Variants in KCNH8 observed in about 807,000 individuals in gnomAD.
KCNH8 encodes the protein voltage-gated delayed rectifier potassium channel KCNH8.
KCNH8 carries 70 observed loss-of-function variants against 103.6 expected under a neutral mutation model. The ratio of observed to expected loss-of-function variants is 0.68; its 90% CI spans 0.56 to 0.82. KCNH8 has a LOEUF of 0.82. Ranked by LOEUF, KCNH8 falls within the 40% of genes least tolerant of loss-of-function variation. The pLI is 0.00. For missense variants in KCNH8, 1,217 were observed against 1,329.9 expected (o/e 0.92, Z 1.32); for synonymous variants, 498 against 489.4 (o/e 1.02, Z -0.23).
intron 1 of KCNH8, among the ~76,000 whole-genome samples, chr3:19,150,219 C>T (rs2063115233): frequency 6.6e-6 from 1 of 152,008 alleles, no homozygotes; most frequent in African/African-American, 2.4e-5. Context: ...ACTTCAAGTC[C>T]CTGCCATTGC....
At chr3:19,475,026 T>C (rs1360907094) in intron 11 of KCNH8, among the ~76,000 whole-genome samples, 5 of 152,150 alleles carry the variant, frequency 3.3e-5, no homozygotes, top group Non-Finnish European at 7.4e-5. Flanking sequence ...GCCAGAATTG[T>C]TCCTCCAAAG....
In KCNH8 at chr3:19,176,812, C is replaced by T. The variant is rs115620931; in HGVS notation, c.76+28017C>T. ...TATGCTCTATAAAATTGTATAAACA[C>T]TGAATTAGCAAATACTTGACCATTT... On this transcript the variant is annotated intron_variant, in intron 1 of 15. Coordinates refer to ENST00000328405, the MANE Select transcript of KCNH8 (RefSeq NM_144633.3). 3.7e-3 allele frequency among the ~76,000 whole-genome samples: 557 copies of T among 152,134 alleles called. 5 individuals are homozygous for T. The highest frequency in any genetic ancestry group is 0.013 in the African/African-American group (520 of 41,528).
chr3:19,365,109 A>G (rs778339114), intron 5 of KCNH8, among the ~76,000 whole-genome samples: 4 of 152,136 alleles, frequency 2.6e-5, no homozygotes. Context: ...TAATTCCACC[A>G]TTCTTTACTG....
At chr3:19,531,073 A>C (rs1454483292) in intron 15 of KCNH8, among the ~76,000 whole-genome samples, 2 of 152,252 alleles carry the variant, frequency 1.3e-5, no homozygotes, top group Admixed American at 6.5e-5. Flanking sequence ...ATTCAAACTT[A>C]TTCTTCAGAG....
intron 2 of KCNH8, among the ~76,000 whole-genome samples, chr3:19,266,850 TTTTC>T (rs1157116265): frequency 3.4e-4 from 51 of 152,140 alleles, no homozygotes; most frequent in Admixed American, 3.3e-4. Flanking sequence ...CATCCTTCAC[TTTTC>T]TTTCTATTTC....
intron 10 of KCNH8, among the ~76,000 whole-genome samples, chr3:19,452,735 C>A (rs1369724426): frequency 6.6e-6 from 1 of 152,160 alleles, no homozygotes; most frequent in African/African-American, 2.4e-5. Flanking sequence ...TGTGCTCACA[C>A]ACAAGGTCTC....
At chr3:19,304,230 C>G (rs2065100370) in intron 3 of KCNH8, among the ~76,000 whole-genome samples, 1 of 152,100 alleles carries the variant, frequency 6.6e-6, no homozygotes, top group Non-Finnish European at 1.5e-5. Flanking sequence ...CTTGTCCATC[C>G]ACATCACTCT....
chr3:19,475,086 GCA>G (rs10576402), intron 11 of KCNH8, among the ~76,000 whole-genome samples: 1,838 of 152,154 alleles, frequency 0.012, 29 homozygotes, highest in African/African-American at 0.04. Context: ...AACTAAACAA[GCA>G]CAGTTTGATC....
rs113230423 is a variant in KCNH8 at position 19,201,471 on chromosome 3, C to T, written c.77-52183C>T. Among the ~76,000 whole-genome samples, 389 of 151,916 alleles carry T rather than the reference C, an allele frequency of 2.6e-3. 4 individuals carry two copies. The highest frequency in any genetic ancestry group is 8.5e-3 in the African/African-American group (352 of 41,428). On this transcript the variant is annotated intron_variant, in intron 1 of 15. Coordinates refer to ENST00000328405, the MANE Select transcript of KCNH8 (RefSeq NM_144633.3). ...CTCTCCTCCAAGGATGCTGTATGTCCGTTTTATACATAAGAAAACTGTGGT... is the reference window on the plus strand; with the variant it reads ...CTCTCCTCCAAGGATGCTGTATGTCTGTTTTATACATAAGAAAACTGTGGT...
chr3:19,183,597 G>A (rs1471235938), intron 1 of KCNH8, among the ~76,000 whole-genome samples: 1 of 152,068 alleles, frequency 6.6e-6, no homozygotes, highest in South Asian at 2.1e-4. Context: ...TAACTATAAA[G>A]AAAAGATTTA....
At chr3:19,167,340 T>A (rs77245563) in intron 1 of KCNH8, among the ~76,000 whole-genome samples, 6,201 of 152,314 alleles carry the variant, frequency 0.041, 428 homozygotes, top group African/African-American at 0.14. Flanking sequence ...CGTAGATGTG[T>A]CATAGTTTAT....
intron 3 of KCNH8, among the ~76,000 whole-genome samples, chr3:19,328,017 GTCTC>G (rs574438599): frequency 1.3e-4 from 20 of 152,082 alleles, no homozygotes; most frequent in African/African-American, 4.1e-4. Flanking sequence ...GTTTCTACAT[GTCTC>G]TCTCTCTGTC....
chr3:19,486,816 C>T (rs906675082), intron 11 of KCNH8, among the ~76,000 whole-genome samples: 4 of 152,200 alleles, frequency 2.6e-5, no homozygotes, highest in Non-Finnish European at 5.9e-5. Context: ...AATTCCCTTA[C>T]TTGCCTTCTG....
chr3:19,455,947 C>T (rs1347592626), intron 10 of KCNH8, among the ~76,000 whole-genome samples: 1 of 152,052 alleles, frequency 6.6e-6, no homozygotes, highest in African/African-American at 2.4e-5. Context: ...TTGCTGTATT[C>T]AAAACATTTT....
chr3:19,400,744 C>G (rs1392849793), intron 7 of KCNH8, among the ~76,000 whole-genome samples: 1 of 151,846 alleles, frequency 6.6e-6, no homozygotes, highest in Non-Finnish European at 1.5e-5. Flanking sequence ...GATAAAACCT[C>G]ATAAATGCTG....
chr3:19,208,292 A>G (rs1045879242), intron 1 of KCNH8, among the ~76,000 whole-genome samples: 6 of 152,096 alleles, frequency 3.9e-5, no homozygotes, highest in Admixed American at 3.3e-4. Flanking sequence ...TGTATTTACT[A>G]TCAGAAAGTA....
intron 11 of KCNH8, among the ~76,000 whole-genome samples, chr3:19,492,513 T>C (rs763140586): frequency 5.3e-5 from 8 of 152,200 alleles, no homozygotes; most frequent in Non-Finnish European, 8.8e-5. Context: ...GAGTTTTCTA[T>C]TCTGTTCCAT....
rs756835512 is a variant in KCNH8 at position 19,450,308 on chromosome 3, A to G, written c.1575+3A>G. 1.2e-6 allele frequency: 2 copies of G among 1,603,700 alleles called. No individual in the cohort carries two copies. Among genetic ancestry groups the G allele is most frequent in the Non-Finnish European group, 1.7e-6 (2 of 1,170,620 alleles). On this transcript the variant is annotated splice_donor_region_variant and intron_variant, in intron 9 of 15. Coordinates refer to ENST00000328405, the MANE Select transcript of KCNH8 (RefSeq NM_144633.3). ...ACAATGGAATAGATTCAAATGAGGTAATGTTCATTTCTCATGTTGTTTTCA... is the reference window on the plus strand; with the variant it reads ...ACAATGGAATAGATTCAAATGAGGTGATGTTCATTTCTCATGTTGTTTTCA...
chr3:19,246,862 C>G (rs932799459), intron 1 of KCNH8, among the ~76,000 whole-genome samples: 1 of 152,104 alleles, frequency 6.6e-6, no homozygotes, highest in Admixed American at 6.6e-5. Context: ...TGCTGGCCCA[C>G]GACTATGCAC....
Sources: allele counts gnomAD v4.1 joint callset (sites outside exome capture counted in the v4.1 genomes callset), GRCh38; gene constraint gnomAD v4.1.1; transcripts MANE v1.5; gene names NCBI Gene and HGNC (gene_info 2026-07-23, HGNC 2026-07-21).